Variants in ZFHX3 observed in about 807,000 individuals in gnomAD.
ZFHX3 encodes zinc finger homeobox protein 3.
Under a neutral mutation model 279.1 loss-of-function variants are expected in ZFHX3, and 42 were observed. The ratio of observed to expected loss-of-function variants is 0.15; its 90% CI spans 0.12 to 0.19. ZFHX3 has a LOEUF of 0.19. ZFHX3 is among the 10% of genes least tolerant of loss of function. The probability of loss-of-function intolerance (pLI) is 1.00; values close to 1 mark genes in which losing one functional copy is unlikely to be tolerated. For synonymous variants in ZFHX3, 2,293 were observed against 1,957.8 expected, an observed-to-expected ratio of 1.17 and a Z score of -4.52; for missense variants, 4,981 against 4,754.0, an observed-to-expected ratio of 1.05 and a Z score of -1.40.
At chr16:73,168,341 A>C (rs1233276447) in intron 5 of ZFHX3, among the ~76,000 whole-genome samples, 1 of 150,804 alleles carries the variant, frequency 6.6e-6, no homozygotes, top group Non-Finnish European at 1.5e-5. Context: ...AGTTCACTGC[A>C]GACTTGAACT....
At chr16:73,103,361 A>G (rs1250988607) in intron 7 of ZFHX3, among the ~76,000 whole-genome samples, 1 of 150,080 alleles carries the variant, frequency 6.7e-6, no homozygotes, top group Non-Finnish European at 1.5e-5. Flanking sequence ...ACCCCAAACC[A>G]GACTCTGCCT....
intron 4 of ZFHX3, among the ~76,000 whole-genome samples, chr16:72,878,703 C>T (rs1450064795): frequency 6.6e-6 from 1 of 152,170 alleles, no homozygotes; most frequent in Non-Finnish European, 1.5e-5. Context: ...CTACTTGTCC[C>T]GTGGATGAGT....
intron 2 of ZFHX3, among the ~76,000 whole-genome samples, chr16:73,465,070 G>C (rs1041569397): frequency 1.3e-5 from 2 of 152,178 alleles, no homozygotes; most frequent in African/African-American, 4.8e-5. Context: ...CCGGCCAGCT[G>C]CTCTTGCTCA....
chr16:73,539,969 G>C (rs1415549997), intron 2 of ZFHX3, among the ~76,000 whole-genome samples: 2 of 152,194 alleles, frequency 1.3e-5, no homozygotes, highest in Non-Finnish European at 2.9e-5. Flanking sequence ...TTTAGACTCT[G>C]CTAAGGACAT....
rs148130058 is a variant in ZFHX3, at chr16:73,618,866, G to A, written c.-1547+61314C>T. 1.1e-3 allele frequency among the ~76,000 whole-genome samples: 161 copies of A among 152,212 alleles called. 1 individual carries two copies. Among genetic ancestry groups the A allele is most frequent in the Admixed American group, 8.9e-3 (136 of 15,272 alleles). On this transcript the variant is annotated intron_variant, in intron 2 of 17. Coordinates refer to the ZFHX3 transcript ENST00000641206. ...CTCTCCCTCGGTAGTTTAGAAAATC[G>A]CACTTTTGAACTAGAATCCTGGCCT...
chr16:73,051,583 G>A (rs751656924), upstream of ZFHX3, among the ~76,000 whole-genome samples: 6 of 152,128 alleles, frequency 3.9e-5, no homozygotes, highest in Non-Finnish European at 8.8e-5. Flanking sequence ...AATCGTAGGT[G>A]GAACATTATC....
chr16:73,577,259 A>G (rs1369681483), intron 2 of ZFHX3, among the ~76,000 whole-genome samples: 2 of 152,172 alleles, frequency 1.3e-5, no homozygotes, highest in African/African-American at 4.8e-5. Context: ...AATTGAAAGG[A>G]AGTTCAGGTA....
At chr16:73,108,871 G>T (rs1966336970) in intron 7 of ZFHX3, among the ~76,000 whole-genome samples, 1 of 152,258 alleles carries the variant, frequency 6.6e-6, no homozygotes, top group East Asian at 1.9e-4. Context: ...TGCCCTGCAG[G>T]CCTGGTGGCG....
intron 2 of ZFHX3, among the ~76,000 whole-genome samples, chr16:73,539,354 C>T (rs1251529431): frequency 6.6e-6 from 1 of 151,478 alleles, no homozygotes; most frequent in African/African-American, 2.4e-5. Flanking sequence ...AAGCCCCCAA[C>T]CCCCTGAACA....
intron 1 of ZFHX3, among the ~76,000 whole-genome samples, chr16:73,776,711 T>G (rs1302417901): frequency 6.6e-6 from 1 of 152,144 alleles, no homozygotes; most frequent in Non-Finnish European, 1.5e-5. Context: ...ACCTCTGAAC[T>G]GAATGGCTCT....
intron 1 of ZFHX3, among the ~76,000 whole-genome samples, chr16:73,057,622 A>G (rs532557751): frequency 2.6e-5 from 4 of 151,676 alleles, no homozygotes; most frequent in East Asian, 3.9e-4. Context: ...CTGGCGGAAG[A>G]AGGCCGGCCG....
chr16:72,864,349 T>G (rs761899197), intron 4 of ZFHX3, among the ~76,000 whole-genome samples: 1 of 152,232 alleles, frequency 6.6e-6, no homozygotes, highest in Non-Finnish European at 1.5e-5. Flanking sequence ...CATGGGAAGC[T>G]TCATTAAATA....
intron 3 of ZFHX3, among the ~76,000 whole-genome samples, chr16:73,357,569 G>A (rs2016365217): frequency 6.6e-6 from 1 of 152,150 alleles, no homozygotes; most frequent in Non-Finnish European, 1.5e-5. Context: ...TGTCACTGTG[G>A]TTTTGCCAGA....
At chr16:73,183,713 T>C (rs1201509255) in intron 5 of ZFHX3, among the ~76,000 whole-genome samples, 2 of 152,228 alleles carry the variant, frequency 1.3e-5, no homozygotes, top group Admixed American at 6.5e-5. Context: ...GCCTGACTGC[T>C]CTGCCCTCTG....
intron 5 of ZFHX3, among the ~76,000 whole-genome samples, chr16:73,256,764 G>A (rs1160194054): frequency 6.6e-6 from 1 of 152,138 alleles, no homozygotes; most frequent in Non-Finnish European, 1.5e-5. Flanking sequence ...TCAGTCACAA[G>A]TACAAAGTTA....
chr16:73,286,118 T>G (rs1173480321), intron 4 of ZFHX3, among the ~76,000 whole-genome samples: 1 of 151,990 alleles, frequency 6.6e-6, no homozygotes, highest in Non-Finnish European at 1.5e-5. Flanking sequence ...GCCAACCAAT[T>G]CTTCCCTCCG....
chr16:73,595,758 T>C (rs1198705707), intron 2 of ZFHX3, among the ~76,000 whole-genome samples: 2 of 152,120 alleles, frequency 1.3e-5, no homozygotes, highest in Non-Finnish European at 2.9e-5. Flanking sequence ...ATCTTTCCCC[T>C]CAATACTCAC....
intron 4 of ZFHX3, among the ~76,000 whole-genome samples, chr16:72,865,915 G>A (rs1597325037): frequency 6.6e-6 from 1 of 152,218 alleles, no homozygotes; most frequent in African/African-American, 2.4e-5. Flanking sequence ...ACGCCATGCT[G>A]AAGATTCCAC....
At chr16:73,628,121 C>T (rs542043182) in intron 2 of ZFHX3, among the ~76,000 whole-genome samples, 3 of 152,228 alleles carry the variant, frequency 2.0e-5, no homozygotes, top group Non-Finnish European at 2.9e-5. Flanking sequence ...AACTACCCAA[C>T]GTGTCTACCT....
Sources: allele counts gnomAD v4.1 joint callset (sites outside exome capture counted in the v4.1 genomes callset), GRCh38; gene constraint gnomAD v4.1.1; transcripts MANE v1.5; gene names NCBI Gene and HGNC (gene_info 2026-07-23, HGNC 2026-07-21).